IQCM: variants seen among roughly 807,000 people sequenced by gnomAD.
IQCM encodes the protein IQ motif containing M.
A neutral mutation model predicts 57.6 loss-of-function variants in IQCM; 45 were observed. The ratio of observed to expected loss-of-function variants is 0.78; its 90% CI spans 0.62 to 1.00. The LOEUF (loss-of-function observed/expected upper bound fraction) is 1.00, where lower values mean the gene tolerates loss of function less well. Among genes scored for constraint, IQCM ranks in the 50% least tolerant of loss-of-function variants. The pLI, the probability that IQCM is intolerant of heterozygous loss-of-function variation, is 0.00. For synonymous variants in IQCM, 148 were observed against 158.9 expected (o/e 0.93, Z 0.51); for missense variants, 468 against 511.6 (o/e 0.91, Z 0.82).
chr4:149,552,389 T>G (rs1749124992), intron 11 of IQCM, among the ~76,000 whole-genome samples: 1 of 152,286 alleles, frequency 6.6e-6, no homozygotes, highest in Admixed American at 6.5e-5. Flanking sequence ...TCCAATTAAA[T>G]ATAACTTACT....
At chr4:149,735,711 T>C (rs893370751) in intron 3 of IQCM, among the ~76,000 whole-genome samples, 1 of 152,138 alleles carries the variant, frequency 6.6e-6, no homozygotes, top group African/African-American at 2.4e-5. Flanking sequence ...AATGTTACTG[T>C]ATAGAAGATA....
chr4:149,385,522 T>C (rs1170747972), intron 13 of IQCM, among the ~76,000 whole-genome samples: 1 of 152,074 alleles, frequency 6.6e-6, no homozygotes, highest in Non-Finnish European at 1.5e-5. Flanking sequence ...CACAAATTTA[T>C]ATAAAAAACT....
chr4:149,681,558 A>G (rs1762178427), intron 7 of IQCM, among the ~76,000 whole-genome samples: 1 of 151,216 alleles, frequency 6.6e-6, no homozygotes, highest in African/African-American at 2.4e-5. Flanking sequence ...TGAGAACCCA[A>G]GGAAGAGTTT....
intron 12 of IQCM, among the ~76,000 whole-genome samples, chr4:149,436,883 A>G (rs984897223): frequency 6.6e-6 from 1 of 152,132 alleles, no homozygotes; most frequent in Non-Finnish European, 1.5e-5. Context: ...CATAGTTGCC[A>G]GTATTTATTG....
intron 12 of IQCM, among the ~76,000 whole-genome samples, chr4:149,454,668 G>A (rs915085001): frequency 1.3e-5 from 2 of 151,768 alleles, no homozygotes; most frequent in Admixed American, 1.3e-4. Context: ...AATATTATTT[G>A]GTAATAAAAA....
At chr4:149,554,659 C>G (rs924137387) in intron 10 of IQCM, among the ~76,000 whole-genome samples, 1 of 151,170 alleles carries the variant, frequency 6.6e-6, no homozygotes, top group African/African-American at 2.4e-5. Flanking sequence ...TTGTTTGTTT[C>G]TTAGCATATT....
rs566039894 is a variant in IQCM, at chr4:149,815,339, G to A, written c.-77C>T. The A allele has an allele frequency of 7.2e-5, 11 of 152,000 alleles. No individual in the cohort carries two copies. The South Asian group carries it at 1.9e-3, about 26-fold the overall frequency. The allele number at this position is 152,000 out of a possible 1,614,324, so 9.4% of individuals were successfully genotyped here. On this transcript the variant is annotated 5_prime_UTR_variant, in exon 2 of 14. Coordinates refer to ENST00000636793, the MANE Select transcript of IQCM (RefSeq NM_001363507.2). Reference sequence around the variant, plus strand: ...AAAGTTTTTCATTCCAAGGTCATTTGTTCTTCTTCCTAGAAGGCACAGGAG... The same window carrying A: ...AAAGTTTTTCATTCCAAGGTCATTTATTCTTCTTCCTAGAAGGCACAGGAG...
chr4:149,528,223 C>T lies in IQCM; in HGVS notation c.1228+20232G>A, dbSNP rs565023240. ...CTGGTCTTGAACTACTGACCTCAGACGATCCACCCACCTTGGCCTCCCAAA... is the reference window on the plus strand; with the variant it reads ...CTGGTCTTGAACTACTGACCTCAGATGATCCACCCACCTTGGCCTCCCAAA... On this transcript the variant is annotated intron_variant, in intron 12 of 13. Coordinates refer to ENST00000636793, the MANE Select transcript of IQCM (RefSeq NM_001363507.2). Among the ~76,000 whole-genome samples the T allele has an allele frequency of 7.2e-5, 11 of 151,914 alleles. No homozygotes were observed. The South Asian group carries it at 1.2e-3, about 17-fold the overall frequency.
chr4:149,648,909 A>G lies in IQCM; in HGVS notation c.566-27665T>C, dbSNP rs535540187. Among the ~76,000 whole-genome samples, 17 of 152,316 alleles carry G rather than the reference A, an allele frequency of 1.1e-4. No homozygotes were observed. In the South Asian group the frequency reaches 3.5e-3, roughly 32 times the overall value. On this transcript the variant is annotated intron_variant, in intron 7 of 13. Transcript: ENST00000636793. ...ACTTAAAGTATAATAAAAAAAAGAAAAAAAAGAATACAAAAATTAAAAAAA... is the reference window on the plus strand; with the variant it reads ...ACTTAAAGTATAATAAAAAAAAGAAGAAAAAGAATACAAAAATTAAAAAAA...
At chr4:149,714,401 C>T (rs1210696095) in intron 5 of IQCM, among the ~76,000 whole-genome samples, 1 of 152,218 alleles carries the variant, frequency 6.6e-6, no homozygotes, top group South Asian at 2.1e-4. Flanking sequence ...CATCTATAAA[C>T]TGAGGTATCT....
intron 2 of IQCM, among the ~76,000 whole-genome samples, chr4:149,769,252 A>T (rs2149983049): frequency 6.6e-6 from 1 of 152,136 alleles, no homozygotes; most frequent in Non-Finnish European, 1.5e-5. Context: ...GTCCTCCTGA[A>T]CACGTAGTTC....
At chr4:149,747,339 C>T (rs1346089629) in intron 2 of IQCM, among the ~76,000 whole-genome samples, 1 of 152,172 alleles carries the variant, frequency 6.6e-6, no homozygotes, top group Non-Finnish European at 1.5e-5. Flanking sequence ...TCTGCAGATG[C>T]TCAAGTCCCT....
intron 2 of IQCM, among the ~76,000 whole-genome samples, chr4:149,796,028 C>A (rs1184518603): frequency 6.6e-6 from 1 of 152,166 alleles, no homozygotes; most frequent in Admixed American, 6.5e-5. Flanking sequence ...GGCGAGACTC[C>A]TTGTGCTTGA....
intron 8 of IQCM, among the ~76,000 whole-genome samples, chr4:149,595,297 C>G (rs1460366275): frequency 6.6e-6 from 1 of 151,352 alleles, no homozygotes; most frequent in Non-Finnish European, 1.5e-5. Flanking sequence ...TTTTTGTTTT[C>G]CATTTGCTTG....
intron 13 of IQCM, among the ~76,000 whole-genome samples, chr4:149,412,055 AGTGTGTGTGTTT>A (rs1490459313): frequency 2.2e-5 from 3 of 137,992 alleles, no homozygotes; most frequent in East Asian, 4.3e-4. Context: ...TGTAACATTT[AGTGTGTGTGTTT>A]GTGTGTGTGT....
intron 2 of IQCM, among the ~76,000 whole-genome samples, chr4:149,796,863 G>A (rs1349434098): frequency 2.6e-5 from 4 of 152,098 alleles, no homozygotes; most frequent in Non-Finnish European, 5.9e-5. Context: ...GCTGGACTTG[G>A]GGTTCCCCTA....
chr4:149,803,332 C>T (rs1437152645), intron 2 of IQCM, among the ~76,000 whole-genome samples: 2 of 151,924 alleles, frequency 1.3e-5, no homozygotes, highest in Non-Finnish European at 2.9e-5. Flanking sequence ...ATGCATATTA[C>T]AACATTTGTA....
intron 13 of IQCM, among the ~76,000 whole-genome samples, chr4:149,415,980 A>T (rs1399810318): frequency 1.3e-5 from 2 of 152,168 alleles, no homozygotes; most frequent in Non-Finnish European, 2.9e-5. Flanking sequence ...GCAGCACACC[A>T]ACATGGCACA....
At chr4:149,548,994 A>T (rs930784073) in intron 11 of IQCM, among the ~76,000 whole-genome samples, 1 of 152,128 alleles carries the variant, frequency 6.6e-6, no homozygotes, top group Non-Finnish European at 1.5e-5. Flanking sequence ...TCACATTCTA[A>T]CTACTTAAAA....
Sources: allele counts gnomAD v4.1 joint callset (sites outside exome capture counted in the v4.1 genomes callset), GRCh38; gene constraint gnomAD v4.1.1; transcripts MANE v1.5; gene names NCBI Gene and HGNC (gene_info 2026-07-23, HGNC 2026-07-21).